UTS2B: variants seen among roughly 807,000 people sequenced by gnomAD.
UTS2B encodes the protein urotensin-2B.
In UTS2B, 21 loss-of-function variants were observed where a neutral mutation model predicts 19.2. That is an observed-to-expected ratio of 1.09 (90% CI 0.78 to 1.58). UTS2B has a LOEUF of 1.58. Among genes scored for constraint, UTS2B ranks in the 40% most tolerant of loss-of-function variants. The pLI, the probability that UTS2B is intolerant of heterozygous loss-of-function variation, is 0.00. For missense variants in UTS2B, 138 were observed against 130.3 expected, an observed-to-expected ratio of 1.06 and a Z score of -0.29; for synonymous variants, 57 against 50.2, an observed-to-expected ratio of 1.14 and a Z score of -0.58.
intron 3 of UTS2B, among the ~76,000 whole-genome samples, chr3:191,311,508 G>A (rs186405342): frequency 1.3e-5 from 2 of 152,282 alleles, no homozygotes; most frequent in Admixed American, 6.5e-5. Context: ...TGATAGCCAA[G>A]GTTCTATGAT....
the UTS2B span, among the ~76,000 whole-genome samples, chr3:191,341,491 TA>T: frequency 7.9e-5 from 12 of 152,150 alleles, no homozygotes; most frequent in Admixed American, 1.3e-4. Context: ...CTTAAACACT[TA>T]AAAAAATTCA....
At chr3:191,280,660 T>C (rs1429678392) in intron 5 of UTS2B, among the ~76,000 whole-genome samples, 2 of 152,148 alleles carry the variant, frequency 1.3e-5, no homozygotes, top group Admixed American at 1.3e-4. Flanking sequence ...TATCACTGTG[T>C]GGCATTCTGA....
chr3:191,277,164 C>T (rs1716259637), intron 6 of UTS2B, among the ~76,000 whole-genome samples: 1 of 152,034 alleles, frequency 6.6e-6, no homozygotes, highest in African/African-American at 2.4e-5. Context: ...CATAAAACAA[C>T]ATTAAATGGG....
At chr3:191,273,508 T>TTC (rs1560131787) in intron 8 of UTS2B, 1 of 456,742 alleles carries the variant, frequency 2.2e-6, no homozygotes, top group Non-Finnish European at 4.4e-6. Context: ...CTTTATCCTC[T>TTC]TCTGTTTTGG....
chr3:191,344,465 G>A, the UTS2B span, among the ~76,000 whole-genome samples: 2 of 152,132 alleles, frequency 1.3e-5, no homozygotes, highest in Admixed American at 6.6e-5. Flanking sequence ...TATGATTGGC[G>A]GCTACCATAT....
intron 4 of UTS2B, among the ~76,000 whole-genome samples, chr3:191,299,154 T>C (rs1434888149): frequency 6.6e-6 from 1 of 152,190 alleles, no homozygotes; most frequent in Admixed American, 6.5e-5. Context: ...AATTTGCAGC[T>C]CAGCCATATA....
At chr3:191,291,465 T>TG (rs1445737638) in intron 4 of UTS2B, among the ~76,000 whole-genome samples, 1 of 151,952 alleles carries the variant, frequency 6.6e-6, no homozygotes, top group Non-Finnish European at 1.5e-5. Flanking sequence ...CACTTTCTTT[T>TG]TTTTTGAGAC....
intron 4 of UTS2B, among the ~76,000 whole-genome samples, chr3:191,302,864 T>A (rs911430404): frequency 6.6e-6 from 1 of 152,140 alleles, no homozygotes; most frequent in African/African-American, 2.4e-5. Context: ...AGTCTCTTGC[T>A]CCTCTTTCCC....
At chr3:191,344,266 G>A in the UTS2B span, among the ~76,000 whole-genome samples, 4 of 152,160 alleles carry the variant, frequency 2.6e-5, no homozygotes, top group Admixed American at 6.5e-5. Flanking sequence ...ATACCGTCAC[G>A]TTGTGATTAT....
chr3:191,312,056 G>A (rs1717316076), intron 3 of UTS2B, among the ~76,000 whole-genome samples: 1 of 151,692 alleles, frequency 6.6e-6, no homozygotes, highest in Non-Finnish European at 1.5e-5. Flanking sequence ...GGAGGCTTAG[G>A]CAACAGAATC....
chr3:191,323,157 A>ATTTAT (rs1717654763), intron 2 of UTS2B, among the ~76,000 whole-genome samples: 1 of 46,858 alleles, frequency 2.1e-5, no homozygotes, highest in Non-Finnish European at 3.8e-5. Flanking sequence ...TTATTTATTT[A>ATTTAT]TTTATTTTTG....
the UTS2B span, among the ~76,000 whole-genome samples, chr3:191,343,434 A>AAG: frequency 6.6e-6 from 1 of 152,244 alleles, no homozygotes; most frequent in African/African-American, 2.4e-5. Flanking sequence ...GTTACTGTGT[A>AAG]AGAGTTTAAT....
At chr3:191,331,630 T>C (rs1002507075), upstream of UTS2B, among the ~76,000 whole-genome samples, 1 of 152,212 alleles carries the variant, frequency 6.6e-6, no homozygotes, top group Non-Finnish European at 1.5e-5. Context: ...TTTGTAAACA[T>C]CTGACTTTTC....
intron 5 of UTS2B, among the ~76,000 whole-genome samples, chr3:191,280,972 C>G (rs1018510613): frequency 2.0e-5 from 3 of 152,108 alleles, no homozygotes; most frequent in Non-Finnish European, 4.4e-5. Context: ...ATTTAGGTCT[C>G]TGAGACTACT....
intron 4 of UTS2B, among the ~76,000 whole-genome samples, chr3:191,297,678 A>G (rs1209757495): frequency 6.6e-6 from 1 of 152,200 alleles, no homozygotes; most frequent in East Asian, 1.9e-4. Context: ...TCATTGCACT[A>G]CACAACTTCT....
At chr3:191,321,854 C>T (rs1162930928) in intron 2 of UTS2B, among the ~76,000 whole-genome samples, 2 of 152,070 alleles carry the variant, frequency 1.3e-5, no homozygotes, top group African/African-American at 4.8e-5. Context: ...TGGTGAAACC[C>T]CTCCTCTACT....
intron 6 of UTS2B, 87 bp downstream of exon 6, chr3:191,277,985 T>G: frequency 3.0e-6 from 2 of 660,284 alleles, no homozygotes; most frequent in Non-Finnish European, 2.5e-6. Flanking sequence ...TCATTTAATA[T>G]AAATTAACAT....
At chr3:191,270,209 A>G (rs1001788164) in intron 8 of UTS2B, among the ~76,000 whole-genome samples, 3 of 152,194 alleles carry the variant, frequency 2.0e-5, no homozygotes, top group Admixed American at 6.5e-5. Flanking sequence ...CACTTCATGT[A>G]TAACGTGGAT....
At chr3:191,298,274 A>G (rs940860529) in intron 4 of UTS2B, among the ~76,000 whole-genome samples, 2 of 152,058 alleles carry the variant, frequency 1.3e-5, no homozygotes, top group African/African-American at 4.8e-5. Context: ...TACAGTTTGG[A>G]TTTTTGCCCC....
Sources: gnomAD v4.1 joint callset for allele counts (sites outside exome capture counted in the v4.1 genomes callset) on GRCh38, gnomAD v4.1.1 for gene constraint, MANE v1.5 for transcripts, NCBI Gene and HGNC (gene_info 2026-07-23, HGNC 2026-07-21) for gene names.